PCED1A: variants seen among roughly 807,000 people sequenced by gnomAD.
PCED1A encodes PC-esterase domain-containing protein 1A.
In PCED1A, 20 loss-of-function variants were observed where a neutral mutation model predicts 41.9. The ratio of observed to expected loss-of-function variants is 0.48; its 90% CI spans 0.34 to 0.69. The LOEUF (loss-of-function observed/expected upper bound fraction) is 0.69, where lower values mean the gene tolerates loss of function less well. Among genes scored for constraint, PCED1A ranks in the 30% least tolerant of loss-of-function variants. The pLI is 0.01. For missense variants in PCED1A, 498 were observed against 602.1 expected (o/e 0.83, Z 1.81); for synonymous variants, 236 against 241.3 (o/e 0.98, Z 0.20).
upstream of PCED1A, chr20:2,841,083 C>G (rs2088965931): frequency 1.9e-6 from 1 of 538,648 alleles, no homozygotes; most frequent in East Asian, 3.3e-5. Context: ...GAAAGATGCT[C>G]AGATCTCGCT....
Position 2,838,911 on chromosome 20 carries a change from C to T in PCED1A, c.376G>A (p.Glu126Lys), listed in dbSNP as rs982273544. ...VYSEYLEDVLEELTYGPAPDL... is the reference protein window; with the variant it reads ...VYSEYLEDVLKELTYGPAPDL... ...GGGGCAGGTCCATATGTCAGCTCTT[C>T]CAGAACATCCTCAAGGTACTCGGAG... Residue 126 changes from glutamate (E) to lysine (K), a missense_variant, in exon 4 of 8, where the codon GAA becomes AAA. Physicochemically the swap from Glu to Lys is moderately conservative, Grantham distance 56. Around this residue, in one of 2 missense-constraint regions of PCED1A, gnomAD observed 253 missense variants for 369.7 expected, o/e 0.68. Coordinates refer to ENST00000360652, the MANE Select transcript of PCED1A (RefSeq NM_022760.6). The surrounding 1 kb of genome is among the most constrained non-coding windows in gnomAD (Gnocchi z 5.8). 9 of 1,613,954 alleles carry T rather than the reference C, an allele frequency of 5.6e-6. No individual in the cohort carries two copies. The highest frequency in any genetic ancestry group is 6.8e-6 in the Non-Finnish European group (8 of 1,180,022).
rs865992227 is a variant in PCED1A at position 2,839,430 on chromosome 20, T to C, written c.125-159A>G. 2.0e-5 allele frequency among the ~76,000 whole-genome samples: 3 copies of C among 152,180 alleles called. No individual in the cohort carries two copies. In the South Asian group the frequency reaches 6.2e-4, roughly 31 times the overall value. ...AGATGAGGTTAAAAAGTCCTGGCAT[T>C]GCCTCTGTTCTGTGTGCCTCCTGGC... On this transcript the variant is annotated intron_variant, in intron 2 of 7. Coordinates refer to ENST00000360652, the MANE Select transcript of PCED1A (RefSeq NM_022760.6).
upstream of PCED1A, chr20:2,841,136 G>A: frequency 2.2e-6 from 1 of 448,240 alleles, no homozygotes; most frequent in Non-Finnish European, 4.0e-6. Context: ...CCAGTCTCCT[G>A]CCGGAAAGTG....
chr20:2,835,740 GC>G (rs1399408323), intron 7 of PCED1A, 31 bp from the exon 8 acceptor site: 1 of 1,521,624 alleles, frequency 6.6e-7, no homozygotes, highest in Non-Finnish European at 8.8e-7. Context: ...ATAAGAGCAG[GC>G]TTCTGGCCAG....
intron 7 of PCED1A, 152 bp downstream of exon 7, chr20:2,835,887 A>G (rs532945148): frequency 3.5e-6 from 5 of 1,435,214 alleles, no homozygotes; most frequent in East Asian, 2.5e-5. Flanking sequence ...TGATTAATGA[A>G]CCTACAGATG....
chr20:2,840,019 G>T (rs1297682703), intron 1 of PCED1A, 86 bp from the exon 2 acceptor site: 1 of 1,352,968 alleles, frequency 7.4e-7, no homozygotes, highest in Non-Finnish European at 9.8e-7. Context: ...GCTGCTCAAT[G>T]CTAAAGGGAG....
At chr20:2,839,429 T>C (rs750874269) in intron 2 of PCED1A, among the ~76,000 whole-genome samples, 158 bp from the exon 3 acceptor site, 60 of 152,306 alleles carry the variant, frequency 3.9e-4, no homozygotes, top group Middle Eastern at 3.4e-3. Flanking sequence ...AGTCCTGGCA[T>C]TGCCTCTGTT....
In PCED1A at chr20:2,838,984, C is replaced by G. The variant is rs138501389; in HGVS notation, c.303G>C (p.Ser101=). The change falls in exon 4 of 8, where the codon TCG becomes TCC. Residue 101 remains serine (S), a synonymous_variant. Transcript: ENST00000360652. The surrounding 1 kb of genome is among the most constrained non-coding windows in gnomAD (Gnocchi z 5.8). ...TQYREVRQFC[S]GSGHHLVRFY... Reference sequence around the variant, plus strand: ...AGCGCACAAGGTGGTGGCCAGAGCCCGAGCAGAACTGGCGGACCTCACGAT... The same window carrying G: ...AGCGCACAAGGTGGTGGCCAGAGCCGGAGCAGAACTGGCGGACCTCACGAT... 3.1e-6 allele frequency: 5 copies of G among 1,613,832 alleles called. No homozygotes were observed. The highest frequency in any genetic ancestry group is 2.7e-5 in the African/African-American group (2 of 74,890).
upstream of PCED1A, chr20:2,840,835 G>GCGGCCCCC: frequency 2.0e-6 from 3 of 1,524,322 alleles, no homozygotes; most frequent in Non-Finnish European, 1.8e-6. Context: ...CCGGTGAGCT[G>GCGGCCCCC]CCCCGCCCTC....
rs1229416553 is a variant in PCED1A, at chr20:2,839,881, C to T, written c.32G>A (p.Arg11His). 3.7e-6 allele frequency: 6 copies of T among 1,613,692 alleles called. No individual in the cohort carries two copies. The highest frequency in any genetic ancestry group is 1.3e-5 in the African/African-American group (1 of 74,948). Residue 11 changes from arginine (R) to histidine (H), a missense_variant, in exon 2 of 8, where the codon CGC (arginine) becomes CAC (histidine). Around this residue, in one of 2 missense-constraint regions of PCED1A, gnomAD observed 253 missense variants for 369.7 expected, o/e 0.68. Coordinates refer to ENST00000360652, the MANE Select transcript of PCED1A (RefSeq NM_022760.6). The part of the protein sequence containing the change: MVFCLSSEEP[R>H]RPLRSDMVHF... ...GACCATGTCGCTTCGCAGCGGGCGG[C>T]GCGGCTCCTCGCTCGACAGACAGAA...
rs34194713 is a variant in PCED1A, at chr20:2,838,867, G to A, written c.420C>T (p.Asn140=). ...ACCTGGAGAGATCCCAGAGGCAGGA[G>A]TTGATGATCACCAGGTCCGGGGCAG... The part of the protein sequence containing the change: ...YGPAPDLVII[N]SCLWDLSRYG... Residue 140 remains asparagine (N), a synonymous_variant, in exon 4 of 8, where the codon AAC becomes AAT. Transcript: ENST00000360652. The surrounding 1 kb of genome is among the most constrained non-coding windows in gnomAD (Gnocchi z 5.8). 2.8e-3 allele frequency: 4,567 copies of A among 1,614,186 alleles called. 105 individuals carry two copies. In the African/African-American group the frequency reaches 0.05, roughly 18 times the overall value.
upstream of PCED1A, chr20:2,840,710 C>A: frequency 6.6e-7 from 1 of 1,521,730 alleles, no homozygotes. Context: ...AGCGGAAGTG[C>A]CGGCCTGGAG....
rs1249598947 is a variant in PCED1A at position 2,838,132 on chromosome 20, CCT to C, written c.841+98_841+99del. 2 of 1,551,850 alleles carry C rather than the reference CCT, an allele frequency of 1.3e-6. No homozygotes were observed. The highest frequency in any genetic ancestry group is 1.8e-6 in the Non-Finnish European group (2 of 1,137,208). On this transcript the variant is annotated intron_variant, in intron 6 of 7. Transcript: ENST00000360652. The surrounding 1 kb of genome is among the most constrained non-coding windows in gnomAD (Gnocchi z 5.8). ...GAAGCCACAGGAGTCCTTCAAGGGA[CCT>C]CTACTTCCCTTGAGTGGCTGTGTCC... is the stretch of plus-strand genomic sequence containing the variant.
rs2088949597 is a variant in PCED1A at position 2,840,566 on chromosome 20, G to A, written c.-377C>T. 3.4e-6 allele frequency: 2 copies of A among 592,162 alleles called. No individual in the cohort carries two copies. Among genetic ancestry groups the A allele is most frequent in the Non-Finnish European group, 5.9e-6 (2 of 339,094 alleles). The allele number at this position is 592,162 out of a possible 1,614,324, so 36.7% of individuals were successfully genotyped here. ...TGGAGGTGGCCGCCACAGGGCGCAG[G>A]AGCCAGGGCTGGGCCCACTTGGCGG... On this transcript the variant is annotated 5_prime_UTR_variant, in exon 1 of 8. Coordinates refer to ENST00000360652, the MANE Select transcript of PCED1A (RefSeq NM_022760.6).
At position 2,835,415 on chromosome 20, in the gene PCED1A, G is replaced by A; in HGVS notation, c.*47C>T. On this transcript the variant is annotated 3_prime_UTR_variant, in exon 8 of 8. Coordinates refer to ENST00000360652, the MANE Select transcript of PCED1A (RefSeq NM_022760.6). ...AGCCCAGTACCTGAGGTGCCAGGCAGGCCCTGAAGGGCCATTGGCACATCC... is the reference window on the plus strand; with the variant it reads ...AGCCCAGTACCTGAGGTGCCAGGCAAGCCCTGAAGGGCCATTGGCACATCC... 6.4e-7 allele frequency: 1 copy of A among 1,560,788 alleles called. No homozygotes were observed. The highest frequency in any genetic ancestry group is 2.3e-5 in the East Asian group (1 of 43,984).
rs2146600157 is a variant in PCED1A at position 2,835,619 on chromosome 20, A to G, written c.1208T>C (p.Val403Ala). Residue 403 changes from valine (V) to alanine (A), a missense_variant, in exon 8 of 8, where the codon GTC (valine) becomes GCC (alanine). Physicochemically the swap from Val to Ala is moderately conservative, Grantham distance 64. Transcript: ENST00000360652. ...NPHGQHWGPV[V>A]HRGMPRYVPN... Reference sequence around the variant, plus strand: ...AACATAGCGTGGCATCCCCCGGTGGACCACTGGGCCCCAGTGCTGACCATG... The same window carrying G: ...AACATAGCGTGGCATCCCCCGGTGGGCCACTGGGCCCCAGTGCTGACCATG... 6.2e-7 allele frequency: 1 copy of G among 1,612,884 alleles called. No homozygotes were observed. Among genetic ancestry groups the G allele is most frequent in the Non-Finnish European group, 8.5e-7 (1 of 1,179,060 alleles).
At position 2,836,373 on chromosome 20, in the gene PCED1A, C is replaced by G; in HGVS notation, c.842-59G>C. On this transcript the variant is annotated intron_variant, in intron 6 of 7. Coordinates refer to ENST00000360652, the MANE Select transcript of PCED1A (RefSeq NM_022760.6). Reference sequence around the variant, plus strand: ...GGAGCCAGGCTGCCCTGAACTCTGGCCATCCACACTTCTAAAGCTCTATTC... The same window carrying G: ...GGAGCCAGGCTGCCCTGAACTCTGGGCATCCACACTTCTAAAGCTCTATTC... 3 of 1,408,366 alleles carry G rather than the reference C, an allele frequency of 2.1e-6. No individual in the cohort carries two copies. In the Admixed American group the frequency reaches 5.0e-5, roughly 24 times the overall value. The allele number at this position is 1,408,366 out of a possible 1,614,324, so 87.2% of individuals were successfully genotyped here. A position where few individuals can be genotyped will look rare whatever the true frequency, so the allele number is the denominator to read the frequency against.
chr20:2,840,596 G>A lies in PCED1A; in HGVS notation c.-407C>T. 4.5e-6 allele frequency: 3 copies of A among 666,860 alleles called. No homozygotes were observed. The highest frequency in any genetic ancestry group is 7.7e-6 in the Non-Finnish European group (3 of 392,134). 41.3% of individuals were successfully genotyped at this position (666,860 alleles called of 1,614,324 possible). A position where few individuals can be genotyped will look rare whatever the true frequency, so the allele number is the denominator to read the frequency against. On this transcript the variant is annotated 5_prime_UTR_variant, in exon 1 of 8. Coordinates refer to ENST00000360652, the MANE Select transcript of PCED1A (RefSeq NM_022760.6). ...AGGGCTGGGCCCACTTGGCGGGCGC[G>A]AAGCCCAGGTACGGGCTGGGGTCTC...
Position 2,839,084 on chromosome 20 carries a change from T to TGGGGGGCC in PCED1A, c.205-3_205-2insGGCCCCCC. 1 of 725,252 alleles carries TGGGGGGCC rather than the reference T, an allele frequency of 1.4e-6. No homozygotes were observed. Among genetic ancestry groups the TGGGGGGCC allele is most frequent in the Non-Finnish European group, 1.9e-6 (1 of 522,222 alleles). The allele number at this position is 725,252 out of a possible 1,614,324, so 44.9% of individuals were successfully genotyped here. A position where few individuals can be genotyped will look rare whatever the true frequency, so the allele number is the denominator to read the frequency against. ...GTCCTGTTCAAAGCTCAGCTCCCCC[T>TGGGGGGCC]ACCCACCCCCCCCACCCTACTGGTC... On this transcript the variant is annotated splice_region_variant and splice_polypyrimidine_tract_variant and intron_variant, in intron 3 of 7. Transcript: ENST00000360652.
Sources: gnomAD v4.1 joint callset for allele counts (sites outside exome capture counted in the v4.1 genomes callset) on GRCh38, gnomAD v4.1.1 for gene constraint, gnomAD v4.1.1 regional missense constraint, Gnocchi (gnomAD v3.1) non-coding constraint, MANE v1.5 for transcripts, NCBI Gene and HGNC (gene_info 2026-07-23, HGNC 2026-07-21) for gene names.